The following CTNND2 variants were observed in gnomAD, a reference collection of about 807,000 sequenced individuals.
The protein encoded by CTNND2 is catenin delta-2.
CTNND2 carries 22 observed loss-of-function variants against 144.4 expected under a neutral mutation model. The observed-to-expected ratio is 0.15, with a 90% CI of 0.11 to 0.22. The LOEUF is 0.22. Among genes scored for constraint, CTNND2 ranks in the 10% least tolerant of loss-of-function variants. The pLI is 1.00. For missense variants in CTNND2, 1,353 were observed against 1,618.8 expected, an observed-to-expected ratio of 0.84 and a Z score of 2.82; for synonymous variants, 751 against 695.6, an observed-to-expected ratio of 1.08 and a Z score of -1.25.
intron 10 of CTNND2, among the ~76,000 whole-genome samples, chr5:11,208,715 A>G (rs1446341047): frequency 6.6e-6 from 1 of 152,196 alleles, no homozygotes; most frequent in African/African-American, 2.4e-5. Flanking sequence ...ACAAATGGAT[A>G]TTTATATACT....
At chr5:11,702,091 C>T (rs1561709507) in intron 2 of CTNND2, among the ~76,000 whole-genome samples, 1 of 152,202 alleles carries the variant, frequency 6.6e-6, no homozygotes, top group Non-Finnish European at 1.5e-5. Context: ...GGAAGAAACA[C>T]AGTGCACAGA....
At chr5:11,505,861 G>A (rs78318695) in intron 3 of CTNND2, among the ~76,000 whole-genome samples, 206 of 152,172 alleles carry the variant, frequency 1.4e-3, no homozygotes, top group Admixed American at 3.5e-3. Context: ...GAGTAATGAC[G>A]CAGGCCCCCG....
intron 2 of CTNND2, among the ~76,000 whole-genome samples, chr5:11,711,043 C>A (rs1271960868): frequency 6.6e-6 from 1 of 151,888 alleles, no homozygotes; most frequent in Non-Finnish European, 1.5e-5. Context: ...GATTCCCATT[C>A]TTCTTACCAA....
intron 3 of CTNND2, among the ~76,000 whole-genome samples, chr5:11,483,772 A>G (rs1768518397): frequency 6.6e-6 from 1 of 152,200 alleles, no homozygotes; most frequent in Admixed American, 6.5e-5. Context: ...AGAAAATGCA[A>G]TGTGCTCAAC....
At chr5:11,577,861 A>G (rs1183313514) in intron 2 of CTNND2, among the ~76,000 whole-genome samples, 1 of 152,184 alleles carries the variant, frequency 6.6e-6, no homozygotes, top group African/African-American at 2.4e-5. Context: ...AAATTTAACT[A>G]TGTTTTTGAC....
chr5:11,519,436 C>A (rs1177597575), intron 3 of CTNND2, among the ~76,000 whole-genome samples: 1 of 151,680 alleles, frequency 6.6e-6, no homozygotes, highest in Non-Finnish European at 1.5e-5. Flanking sequence ...ACAGCCTTAT[C>A]TTTGAAGTTC....
chr5:11,363,991 A>T (rs183997226), intron 8 of CTNND2, among the ~76,000 whole-genome samples: 71 of 152,334 alleles, frequency 4.7e-4, no homozygotes, highest in African/African-American at 1.5e-3. Flanking sequence ...TTTTAATTAT[A>T]TCGATTTTGG....
intron 16 of CTNND2, among the ~76,000 whole-genome samples, chr5:11,024,192 A>T (rs1417150848): frequency 1.3e-5 from 2 of 152,202 alleles, no homozygotes; most frequent in African/African-American, 2.4e-5. Flanking sequence ...TGATACATAA[A>T]ACACAGGCCC....
intron 1 of CTNND2, among the ~76,000 whole-genome samples, chr5:11,883,153 C>A (rs1399213353): frequency 6.6e-6 from 1 of 151,958 alleles, no homozygotes; most frequent in East Asian, 1.9e-4. Context: ...TTTTATTGGT[C>A]ATTTTGTATC....
chr5:11,559,982 G>A (rs1314954096), intron 3 of CTNND2, among the ~76,000 whole-genome samples: 1 of 152,164 alleles, frequency 6.6e-6, no homozygotes, highest in Non-Finnish European at 1.5e-5. Flanking sequence ...GCCTCCACCT[G>A]CTTTGTTCAA....
chr5:11,292,082 A>G (rs767688286), intron 9 of CTNND2, among the ~76,000 whole-genome samples: 7 of 152,150 alleles, frequency 4.6e-5, no homozygotes, highest in Non-Finnish European at 1.0e-4. Flanking sequence ...AATAATCCTC[A>G]GTTCCAAGTT....
rs75274905 is a variant in CTNND2 at position 11,719,298 on chromosome 5, C to T, written c.174+12838G>A. Among the ~76,000 whole-genome samples the T allele has an allele frequency of 5.8e-3, 876 of 152,238 alleles. 9 individuals are homozygous for T. Among genetic ancestry groups the T allele is most frequent in the African/African-American group, 0.02 (835 of 41,548 alleles). On this transcript the variant is annotated intron_variant, in intron 2 of 21. Transcript: ENST00000304623. ...ACTTCTCCTTCAGAAGCGAGTGTCA[C>T]GTAGCTTACTCTGTGTCATGGCAGA...
At chr5:11,789,987 A>T (rs1791048195) in intron 1 of CTNND2, among the ~76,000 whole-genome samples, 1 of 152,170 alleles carries the variant, frequency 6.6e-6, no homozygotes, top group South Asian at 2.1e-4. Context: ...TCTGACTAGT[A>T]TTAATGTACT....
intron 9 of CTNND2, among the ~76,000 whole-genome samples, chr5:11,311,752 C>T (rs1232740111): frequency 7.0e-6 from 1 of 143,370 alleles, no homozygotes; most frequent in Non-Finnish European, 1.5e-5. Flanking sequence ...CATATGCTCA[C>T]ACACTCACTC....
intron 9 of CTNND2, among the ~76,000 whole-genome samples, chr5:11,300,272 A>C (rs1056200048): frequency 2.0e-5 from 3 of 152,064 alleles, no homozygotes; most frequent in African/African-American, 7.2e-5. Context: ...ATAAGAACCA[A>C]CCCCTCCTCC....
At chr5:11,771,611 T>C (rs1010914599) in intron 1 of CTNND2, among the ~76,000 whole-genome samples, 2 of 152,184 alleles carry the variant, frequency 1.3e-5, no homozygotes, top group South Asian at 2.1e-4. Flanking sequence ...TTCTTTATCA[T>C]TGTAGACCTC....
intron 12 of CTNND2, among the ~76,000 whole-genome samples, chr5:11,121,046 C>T (rs1214983907): frequency 6.6e-6 from 1 of 152,160 alleles, no homozygotes; most frequent in Non-Finnish European, 1.5e-5. Flanking sequence ...TTGGTTAAGA[C>T]TTTTGATCAA....
chr5:11,643,987 C>A (rs1388046173), intron 2 of CTNND2, among the ~76,000 whole-genome samples: 1 of 151,816 alleles, frequency 6.6e-6, no homozygotes, highest in African/African-American at 2.4e-5. Flanking sequence ...AAAAAAGGAC[C>A]CACTCCAGCT....
At chr5:11,476,610 A>G (rs1362848836) in intron 3 of CTNND2, among the ~76,000 whole-genome samples, 1 of 152,210 alleles carries the variant, frequency 6.6e-6, no homozygotes, top group Non-Finnish European at 1.5e-5. Flanking sequence ...CTCTTGCAGT[A>G]ATAATAATAT....
Sources: allele counts gnomAD v4.1 joint callset (sites outside exome capture counted in the v4.1 genomes callset), GRCh38; gene constraint gnomAD v4.1.1; transcripts MANE v1.5; gene names NCBI Gene and HGNC (gene_info 2026-07-23, HGNC 2026-07-21).